Variants in KIDINS220 observed in about 807,000 individuals in gnomAD.
KIDINS220 encodes the protein kinase D-interacting substrate of 220 kDa.
KIDINS220 carries 63 observed loss-of-function variants against 157.6 expected under a neutral mutation model. The observed-to-expected ratio is 0.40, with a 90% CI of 0.33 to 0.49. The LOEUF is 0.49. Ranked by LOEUF, KIDINS220 falls within the 20% of genes least tolerant of loss-of-function variation. The probability of loss-of-function intolerance (pLI) is 0.66; values close to 1 mark genes in which losing one functional copy is unlikely to be tolerated. For missense variants in KIDINS220, 1,772 were observed against 2,171.2 expected, an observed-to-expected ratio of 0.82 and a Z score of 3.65; for synonymous variants, 732 against 783.6, an observed-to-expected ratio of 0.93 and a Z score of 1.10.
intron 21 of KIDINS220, among the ~76,000 whole-genome samples, chr2:8,773,287 A>G (rs1670482372): frequency 6.6e-6 from 1 of 152,178 alleles, no homozygotes; most frequent in Admixed American, 6.5e-5. Context: ...TTAGGAAGAT[A>G]TTTTCTTTCT....
intron 26 of KIDINS220, 54 bp from the exon 27 acceptor site, chr2:8,737,053 A>G: frequency 6.4e-7 from 1 of 1,573,668 alleles, no homozygotes. Flanking sequence ...TGCCATCTAT[A>G]ATGAGGTCAT....
intron 11 of KIDINS220, among the ~76,000 whole-genome samples, chr2:8,796,021 G>A (rs1003543540): frequency 6.6e-6 from 1 of 152,088 alleles, no homozygotes; most frequent in African/African-American, 2.4e-5. Flanking sequence ...TTAAAATAAT[G>A]TTGTAACATG....
intron 6 of KIDINS220, among the ~76,000 whole-genome samples, chr2:8,811,447 C>A (rs1174093315): frequency 6.6e-6 from 1 of 152,138 alleles, no homozygotes; most frequent in Non-Finnish European, 1.5e-5. Flanking sequence ...GGTAAGGAGA[C>A]TTAACAAAGA....
intron 26 of KIDINS220, among the ~76,000 whole-genome samples, chr2:8,741,510 G>A (rs1665623560): frequency 6.6e-6 from 1 of 152,164 alleles, no homozygotes; most frequent in Non-Finnish European, 1.5e-5. Flanking sequence ...AATCCAGGAG[G>A]TGGAGGTTGC....
At chr2:8,761,203 A>G (rs1472948635) in intron 22 of KIDINS220, among the ~76,000 whole-genome samples, 3 of 152,210 alleles carry the variant, frequency 2.0e-5, no homozygotes, top group African/African-American at 7.2e-5. Context: ...TAAGAAATCT[A>G]AAAGTGTATT....
At chr2:8,750,363 G>A in intron 23 of KIDINS220, 28 bp from the exon 24 acceptor site, 1 of 1,463,984 alleles carries the variant, frequency 6.8e-7, no homozygotes, top group South Asian at 1.5e-5. Context: ...ACCCCAGAAG[G>A]CAAGAGAAAA....
rs1572652379 is a variant in KIDINS220, at chr2:8,786,413, T to C, written c.1788-56A>G. On this transcript the variant is annotated intron_variant, in intron 15 of 29. Coordinates refer to ENST00000256707, the MANE Select transcript of KIDINS220 (RefSeq NM_020738.4). ...TTATTATCTAAAGTAACAAATAACT[T>C]CAATGTATGTCATCTTTGCATCACT... The C allele has an allele frequency of 3.1e-6, 4 of 1,305,546 alleles. No individual in the cohort carries two copies. In the East Asian group the frequency reaches 9.3e-5, roughly 30 times the overall value. 80.9% of individuals were successfully genotyped at this position (1,305,546 alleles called of 1,614,324 possible).
chr2:8,788,936 T>C, intron 14 of KIDINS220, 124 bp from the exon 15 acceptor site: 1 of 757,270 alleles, frequency 1.3e-6, no homozygotes. Flanking sequence ...CCCATACTAT[T>C]TCCTAACTAC....
At chr2:8,825,095 G>A (rs772221665) in intron 2 of KIDINS220, among the ~76,000 whole-genome samples, 4 of 152,110 alleles carry the variant, frequency 2.6e-5, no homozygotes, top group Admixed American at 6.6e-5. Flanking sequence ...CTGGTAGACC[G>A]GATGCAGTGG....
downstream of KIDINS220, chr2:8,722,420 T>C (rs893344138): frequency 2.0e-5 from 3 of 152,160 alleles, no homozygotes; most frequent in African/African-American, 7.2e-5. Context: ...CGCTCACTTC[T>C]GGAGGGTTTA....
At chr2:8,825,146 C>T (rs375425658) in intron 2 of KIDINS220, among the ~76,000 whole-genome samples, 245 of 151,896 alleles carry the variant, frequency 1.6e-3, no homozygotes, top group East Asian at 9.5e-3. Context: ...CCGAGGTGGG[C>T]GAATCACTTG....
At chr2:8,786,936 A>G (rs1380845863) in intron 15 of KIDINS220, among the ~76,000 whole-genome samples, 1 of 152,176 alleles carries the variant, frequency 6.6e-6, no homozygotes, top group Non-Finnish European at 1.5e-5. Context: ...AATTAAGTGA[A>G]TTATTTGTAT....
At chr2:8,772,588 C>A (rs1670379978) in intron 21 of KIDINS220, among the ~76,000 whole-genome samples, 1 of 151,936 alleles carries the variant, frequency 6.6e-6, no homozygotes, top group African/African-American at 2.4e-5. Flanking sequence ...ATATATCTAG[C>A]CTATAATTAG....
chr2:8,731,347 G>C lies in KIDINS220; in HGVS notation c.4689C>G (p.Ile1563Met), dbSNP rs1262668681. 2 of 1,614,098 alleles carry C rather than the reference G, an allele frequency of 1.2e-6. No homozygotes were observed. The highest frequency in any genetic ancestry group is 2.7e-5 in the African/African-American group (2 of 74,946). Residue 1563 changes from isoleucine to methionine, a missense_variant, in exon 30 of 30, where the codon ATC becomes ATG. By Grantham distance (10) the Ile-to-Met change is conservative. Transcript: ENST00000256707. This position sits in a 1 kb window ranked among gnomAD's most constrained non-coding sequence, Gnocchi z 5.2. ...ACTCTTTGGCTTTAATGAAGGTTCT[G>C]ATCGGCTCAGCACTGTGTTCTGGAG... ...PKSPEHSAEP[I>M]RTFIKAKEYL...
chr2:8,806,302 G>A lies in KIDINS220; in HGVS notation c.572C>T (p.Ala191Val), dbSNP rs1675447196. 3 of 1,610,358 alleles carry A rather than the reference G, an allele frequency of 1.9e-6. No homozygotes were observed. The highest frequency in any genetic ancestry group is 1.3e-5 in the African/African-American group (1 of 74,814). The change falls in exon 7 of 30, where the codon GCC (alanine) becomes GTC (valine). Residue 191 changes from alanine (A) to valine (V), a missense_variant. Ala to Val is a moderately conservative substitution (Grantham distance 64, BLOSUM62 0). This residue lies in a region of KIDINS220 where 254 missense variants were observed against 268.6 expected (regional missense o/e 0.95). Transcript: ENST00000256707. ...TTCTTGATCCACATCAGCTCCCATGGCCAATAAATGTTTCACACATTCCAA... is the reference window on the plus strand; with the variant it reads ...TTCTTGATCCACATCAGCTCCCATGACCAATAAATGTTTCACACATTCCAA... ...GHLECVKHLL[A>V]MGADVDQEGA...
chr2:8,758,082 C>T lies in KIDINS220; in HGVS notation c.3012-6438G>A, dbSNP rs1023687657. ...TTCACCATGCTGGCCAGGCTGGTCT[C>T]GAACTCCTGACCTCAGGTGATCTGC... is the stretch of plus-strand genomic sequence containing the variant. On this transcript the variant is annotated intron_variant, in intron 22 of 29. Coordinates refer to ENST00000256707, the MANE Select transcript of KIDINS220 (RefSeq NM_020738.4). 5.9e-5 allele frequency among the ~76,000 whole-genome samples: 9 copies of T among 152,138 alleles called. No individual in the cohort carries two copies. The South Asian group carries it at 8.3e-4, about 14-fold the overall frequency.
rs189005270 is a variant in KIDINS220, at chr2:8,799,346, C to T, written c.901-1046G>A. Among the ~76,000 whole-genome samples the T allele has an allele frequency of 4.3e-4, 66 of 151,976 alleles. 1 individual carries two copies. The highest frequency in any genetic ancestry group is 9.9e-4 in the African/African-American group (41 of 41,400). On this transcript the variant is annotated intron_variant, in intron 9 of 29. Coordinates refer to ENST00000256707, the MANE Select transcript of KIDINS220 (RefSeq NM_020738.4). ...AGTGCAATGGCACAGTCACAGCTCA[C>T]TATAACCTCAAACTCCTGGGCTCAA...
chr2:8,811,717 G>GA (rs1021323492), intron 6 of KIDINS220, among the ~76,000 whole-genome samples: 6 of 150,794 alleles, frequency 4.0e-5, no homozygotes, highest in Non-Finnish European at 8.9e-5. Context: ...AAAGTAAGAA[G>GA]AAAAAAAGAT....
At chr2:8,821,353 A>C (rs1267513040) in intron 2 of KIDINS220, among the ~76,000 whole-genome samples, 1 of 151,798 alleles carries the variant, frequency 6.6e-6, no homozygotes, top group African/African-American at 2.4e-5. Context: ...GCTGAAAAAA[A>C]AAAACACCCA....
Sources: gnomAD v4.1 joint callset for allele counts (sites outside exome capture counted in the v4.1 genomes callset) on GRCh38, gnomAD v4.1.1 for gene constraint, gnomAD v4.1.1 regional missense constraint, Gnocchi (gnomAD v3.1) non-coding constraint, MANE v1.5 for transcripts, NCBI Gene and HGNC (gene_info 2026-07-23, HGNC 2026-07-21) for gene names.